SMPD3: variants seen among roughly 807,000 people sequenced by gnomAD.
The protein encoded by SMPD3 is sphingomyelin phosphodiesterase 3.
SMPD3 carries 21 observed loss-of-function variants against 55.7 expected under a neutral mutation model. The observed-to-expected ratio is 0.38, with a 90% CI of 0.27 to 0.54. The LOEUF (loss-of-function observed/expected upper bound fraction) is 0.54. SMPD3 is among the 20% of genes least tolerant of loss of function. The pLI is 0.80. For synonymous variants in SMPD3, 457 were observed against 404.3 expected (o/e 1.13, Z -1.56); for missense variants, 842 against 899.6 (o/e 0.94, Z 0.82).
chr16:68,432,133 GA>G (rs1331015148), intron 1 of SMPD3, among the ~76,000 whole-genome samples: 5 of 151,612 alleles, frequency 3.3e-5, no homozygotes, highest in Non-Finnish European at 7.4e-5. Flanking sequence ...AAAAAGAAAA[GA>G]AAAAAAAGTA....
At chr16:68,394,343 G>T (rs1045347408) in intron 1 of SMPD3, among the ~76,000 whole-genome samples, 1 of 151,964 alleles carries the variant, frequency 6.6e-6, no homozygotes, top group Non-Finnish European at 1.5e-5. Context: ...TTTCTTTGTT[G>T]TATTTGTTTC....
intron 5 of SMPD3, 126 bp from the exon 6 acceptor site, chr16:68,363,992 CT>C: frequency 3.5e-6 from 3 of 859,912 alleles, no homozygotes; most frequent in South Asian, 1.7e-5. Context: ...GCCACTGCCC[CT>C]GGGTGGGATC....
chr16:68,437,812 G>T (rs1165658606), intron 1 of SMPD3, among the ~76,000 whole-genome samples: 1 of 152,150 alleles, frequency 6.6e-6, no homozygotes, highest in African/African-American at 2.4e-5. Flanking sequence ...GAAATCTGGC[G>T]CAGAGTGCAA....
chr16:68,374,216 G>C (rs1110570), intron 2 of SMPD3, among the ~76,000 whole-genome samples: 118,811 of 152,254 alleles, frequency 0.78, 47,255 homozygotes, highest in African/African-American at 0.94. Flanking sequence ...GGGGGCAGCT[G>C]TTTTCCCACC....
intron 6 of SMPD3, 79 bp from the exon 7 acceptor site, chr16:68,363,638 A>G (rs1597586356): frequency 1.4e-6 from 2 of 1,471,752 alleles, no homozygotes; most frequent in African/African-American, 1.4e-5. Context: ...CTGTGGGTGG[A>G]CACGGGCTTC....
At chr16:68,432,175 G>T (rs1035591987) in intron 1 of SMPD3, among the ~76,000 whole-genome samples, 4 of 152,090 alleles carry the variant, frequency 2.6e-5, no homozygotes, top group Non-Finnish European at 5.9e-5. Flanking sequence ...ATCCTTTATG[G>T]TAGGTATTAT....
At chr16:68,435,000 A>G (rs1442075375) in intron 1 of SMPD3, among the ~76,000 whole-genome samples, 1 of 152,206 alleles carries the variant, frequency 6.6e-6, no homozygotes, top group East Asian at 1.9e-4. Flanking sequence ...TGCAAGATGA[A>G]GGGATTGTCC....
At chr16:68,403,570 A>G (rs1034354763) in intron 1 of SMPD3, among the ~76,000 whole-genome samples, 16 of 152,230 alleles carry the variant, frequency 1.1e-4, no homozygotes, top group African/African-American at 3.4e-4. Flanking sequence ...CTCAATATCC[A>G]GGGATTTTTA....
At chr16:68,418,256 G>A (rs2090355164) in intron 1 of SMPD3, among the ~76,000 whole-genome samples, 1 of 151,834 alleles carries the variant, frequency 6.6e-6, no homozygotes, top group South Asian at 2.1e-4. Context: ...GATGCCCACC[G>A]AGTTCATCCA....
At position 68,404,130 on chromosome 16, in the gene SMPD3, C is replaced by G. The variant is rs2090233677; in HGVS notation, c.-268-17471G>C. Among the ~76,000 whole-genome samples the G allele has an allele frequency of 2.0e-5, 3 of 151,986 alleles. No homozygotes were observed. Among genetic ancestry groups the G allele is most frequent in the Admixed American group, 6.5e-5 (1 of 15,270 alleles). Reference sequence around the variant, plus strand: ...TCTCGGGCTCAAGAGATCCTCCCACCTCAGCCTCCCGAGTAGCTGGGACTA... The same window carrying G: ...TCTCGGGCTCAAGAGATCCTCCCACGTCAGCCTCCCGAGTAGCTGGGACTA... On this transcript the variant is annotated intron_variant, in intron 1 of 8. Transcript: ENST00000219334. The surrounding 1 kb of genome is among the most constrained non-coding windows in gnomAD (Gnocchi z 4.0).
chr16:68,413,330 T>G (rs1449890781), intron 1 of SMPD3, among the ~76,000 whole-genome samples: 2 of 152,214 alleles, frequency 1.3e-5, no homozygotes, highest in African/African-American at 4.8e-5. Flanking sequence ...TGGGAAAGCA[T>G]GAGCTGTGAA....
chr16:68,437,231 C>G (rs1000836252), intron 1 of SMPD3, among the ~76,000 whole-genome samples: 9 of 152,248 alleles, frequency 5.9e-5, no homozygotes, highest in African/African-American at 2.2e-4. Context: ...TTGGTCCTGG[C>G]TGATGAAGTT....
chr16:68,420,158 G>T (rs999751178), intron 1 of SMPD3, among the ~76,000 whole-genome samples: 2 of 151,964 alleles, frequency 1.3e-5, no homozygotes, highest in African/African-American at 4.8e-5. Flanking sequence ...GGCCAGGCTG[G>T]TACCGAACTC....
At position 68,372,217 on chromosome 16, in the gene SMPD3, A is replaced by G. The variant is rs1248085830; in HGVS notation, c.-36T>C. 1 of 1,599,528 alleles carries G rather than the reference A, an allele frequency of 6.3e-7. No individual in the cohort carries two copies. Among genetic ancestry groups the G allele is most frequent in the Non-Finnish European group, 8.5e-7 (1 of 1,174,468 alleles). On this transcript the variant is annotated 5_prime_UTR_variant, in exon 3 of 9. The change abolishes an upstream ATG in the 5' untranslated region. Coordinates refer to ENST00000219334, the MANE Select transcript of SMPD3 (RefSeq NM_018667.4). The stretch of plus-strand genomic sequence containing the variant: ...TGGGCGCCGCAGCCGGCCCTACTAC[A>G]TGGTGTCCGTGGCAGCTGCGGGCAC...
At chr16:68,388,048 C>T (rs575491029) in intron 1 of SMPD3, among the ~76,000 whole-genome samples, 2 of 152,318 alleles carry the variant, frequency 1.3e-5, no homozygotes, top group Admixed American at 6.5e-5. Context: ...GCTCCCTCCT[C>T]TGTAACATTA....
At chr16:68,381,381 G>A (rs2089948715) in intron 2 of SMPD3, among the ~76,000 whole-genome samples, 1 of 152,212 alleles carries the variant, frequency 6.6e-6, no homozygotes, top group Admixed American at 6.5e-5. Context: ...CATCTGATAA[G>A]GGGAGACCAG....
At chr16:68,366,553 A>G (rs2089484761) in intron 3 of SMPD3, among the ~76,000 whole-genome samples, 1 of 152,230 alleles carries the variant, frequency 6.6e-6, no homozygotes, top group South Asian at 2.1e-4. Flanking sequence ...CAAAACACTG[A>G]TGAAGCCGCC....
chr16:68,402,725 A>G (rs896509825), intron 1 of SMPD3, among the ~76,000 whole-genome samples: 4 of 152,166 alleles, frequency 2.6e-5, no homozygotes, highest in African/African-American at 9.7e-5. Flanking sequence ...GGTTCTACGG[A>G]ATCAAGGTTC....
At chr16:68,397,290 A>G (rs930343064) in intron 1 of SMPD3, among the ~76,000 whole-genome samples, 3 of 152,204 alleles carry the variant, frequency 2.0e-5, no homozygotes, top group African/African-American at 7.2e-5. Flanking sequence ...AGAGGGATTC[A>G]AGGTGGATGC....
Sources: allele counts gnomAD v4.1 joint callset (sites outside exome capture counted in the v4.1 genomes callset), GRCh38; gene constraint gnomAD v4.1.1; non-coding constraint Gnocchi (gnomAD v3.1); transcripts MANE v1.5; gene names NCBI Gene and HGNC (gene_info 2026-07-23, HGNC 2026-07-21).